TYR: variants seen among roughly 807,000 people sequenced by gnomAD.
TYR encodes LB24-AB.
TYR carries 58 observed loss-of-function variants against 51.5 expected under a neutral mutation model. The ratio of observed to expected loss-of-function variants is 1.13; its 90% CI spans 0.91 to 1.40. The LOEUF (loss-of-function observed/expected upper bound fraction) is 1.40. Ranked by LOEUF, TYR falls within the 40% of genes most tolerant of loss-of-function variation. The pLI is 0.00. For missense variants in TYR, 732 were observed against 647.4 expected, an observed-to-expected ratio of 1.13 and a Z score of -1.42; for synonymous variants, 263 against 235.2, an observed-to-expected ratio of 1.12 and a Z score of -1.08.
chr11:89,225,805 C>A (rs1371904299), intron 2 of TYR, among the ~76,000 whole-genome samples: 1 of 151,712 alleles, frequency 6.6e-6, no homozygotes, highest in Non-Finnish European at 1.5e-5. Context: ...TAGTTAACAA[C>A]AATTTATTCT....
chr11:89,217,577 G>A (rs1943848776), intron 2 of TYR, among the ~76,000 whole-genome samples: 1 of 152,138 alleles, frequency 6.6e-6, no homozygotes, highest in Non-Finnish European at 1.5e-5. Flanking sequence ...TAAATGTGAG[G>A]TTCATTGTGC....
intron 4 of TYR, among the ~76,000 whole-genome samples, chr11:89,289,528 A>G (rs1944832896): frequency 6.6e-6 from 1 of 151,904 alleles, no homozygotes; most frequent in Non-Finnish European, 1.5e-5. Flanking sequence ...CATCAGAACA[A>G]CATTACTCTC....
At chr11:89,271,420 TG>T (rs1944587461) in intron 3 of TYR, among the ~76,000 whole-genome samples, 1 of 151,966 alleles carries the variant, frequency 6.6e-6, no homozygotes, top group Non-Finnish European at 1.5e-5. Flanking sequence ...AGTATATTTA[TG>T]GTGCAGTAAC....
intron 3 of TYR, among the ~76,000 whole-genome samples, chr11:89,284,114 T>C (rs1218477404): frequency 6.6e-6 from 1 of 151,848 alleles, no homozygotes; most frequent in Admixed American, 6.6e-5. Context: ...TCTAGGATGG[T>C]TTCTGATTGT....
At chr11:89,249,113 C>G (rs1246182419) in intron 3 of TYR, among the ~76,000 whole-genome samples, 1 of 151,866 alleles carries the variant, frequency 6.6e-6, no homozygotes, top group Non-Finnish European at 1.5e-5. Context: ...CAAATAGATA[C>G]CCGAAAGAGG....
intron 3 of TYR, among the ~76,000 whole-genome samples, chr11:89,233,117 T>A (rs1944072044): frequency 6.9e-6 from 1 of 143,992 alleles, no homozygotes; most frequent in African/African-American, 2.7e-5. Flanking sequence ...TGCTGCTTTA[T>A]CAACTAGGTT....
intron 3 of TYR, among the ~76,000 whole-genome samples, chr11:89,265,386 C>A (rs2135310288): frequency 6.6e-6 from 1 of 152,182 alleles, no homozygotes; most frequent in Non-Finnish European, 1.5e-5. Context: ...AATTCCTCTG[C>A]CTTCGCCACT....
chr11:89,280,502 C>T (rs2135321314), intron 3 of TYR, among the ~76,000 whole-genome samples: 1 of 151,430 alleles, frequency 6.6e-6, no homozygotes, highest in Middle Eastern at 3.4e-3. Flanking sequence ...GGGTTTCCGT[C>T]TTTCTGCTTA....
At chr11:89,239,638 T>C (rs956533278) in intron 3 of TYR, among the ~76,000 whole-genome samples, 1 of 152,100 alleles carries the variant, frequency 6.6e-6, no homozygotes, top group Non-Finnish European at 1.5e-5. Context: ...CAGCATTGGA[T>C]TATGTATTTG....
intron 4 of TYR, among the ~76,000 whole-genome samples, chr11:89,289,952 A>G (rs184929700): frequency 6.6e-6 from 1 of 152,140 alleles, no homozygotes; most frequent in Admixed American, 6.6e-5. Context: ...TGTTTTCTAT[A>G]TGGTAGACAT....
Position 89,177,928 on chromosome 11 carries a change from C to T in TYR, c.-26C>T, listed in dbSNP as rs1183734457. The T allele has an allele frequency of 1.2e-6, 2 of 1,609,786 alleles. No individual in the cohort carries two copies. The highest frequency in any genetic ancestry group is 2.2e-5 in the East Asian group (1 of 44,876). On this transcript the variant is annotated 5_prime_UTR_variant, in exon 1 of 5. Coordinates refer to ENST00000263321, the MANE Select transcript of TYR (RefSeq NM_000372.5). ...TGTGACTCCAATTAGCCAGTTCCTGCAGACCTTGTGAGGACTAGAGGAAGA... is the reference window on the plus strand; with the variant it reads ...TGTGACTCCAATTAGCCAGTTCCTGTAGACCTTGTGAGGACTAGAGGAAGA...
intron 2 of TYR, among the ~76,000 whole-genome samples, chr11:89,221,075 T>C (rs1005037159): frequency 6.6e-6 from 1 of 152,246 alleles, no homozygotes; most frequent in Non-Finnish European, 1.5e-5. Context: ...ATGAAAAGAA[T>C]GAGAGCAGCT....
intron 4 of TYR, among the ~76,000 whole-genome samples, chr11:89,292,084 T>C (rs1944858360): frequency 6.6e-6 from 1 of 152,078 alleles, no homozygotes; most frequent in Admixed American, 6.6e-5. Flanking sequence ...ATACCAAATT[T>C]TAAAAGGAAC....
intron 3 of TYR, among the ~76,000 whole-genome samples, chr11:89,240,511 CATT>C: frequency 6.6e-6 from 1 of 152,038 alleles, no homozygotes; most frequent in Non-Finnish European, 1.5e-5. Context: ...TTGTCATAAA[CATT>C]ATAAATATTT....
chr11:89,271,388 AG>A (rs1775962527), intron 3 of TYR, among the ~76,000 whole-genome samples: 1 of 151,964 alleles, frequency 6.6e-6, no homozygotes, highest in Non-Finnish European at 1.5e-5. Context: ...GCATATAAAA[AG>A]TTATATTTAC....
intron 4 of TYR, 100 bp downstream of exon 4, chr11:89,285,054 C>A: frequency 1.0e-6 from 1 of 1,001,950 alleles, no homozygotes; most frequent in Non-Finnish European, 1.6e-6. Context: ...TATTCCTGAA[C>A]ACTTTAAATC....
intron 1 of TYR, among the ~76,000 whole-genome samples, chr11:89,180,269 G>A (rs986145109): frequency 3.3e-5 from 5 of 152,138 alleles, no homozygotes; most frequent in African/African-American, 1.2e-4. Context: ...AAACTGCCAG[G>A]ATTGGACATG....
intron 3 of TYR, among the ~76,000 whole-genome samples, chr11:89,280,787 A>G (rs1277540882): frequency 2.0e-5 from 3 of 151,630 alleles, no homozygotes; most frequent in Non-Finnish European, 3.0e-5. Flanking sequence ...ACTGAGGTAA[A>G]TGGGCTTTTA....
chr11:89,282,960 T>A (rs1274618269), intron 3 of TYR, among the ~76,000 whole-genome samples: 1 of 151,766 alleles, frequency 6.6e-6, no homozygotes, highest in Non-Finnish European at 1.5e-5. Context: ...TTTTGTGTTA[T>A]TTTAATTAAT....
Sources: gnomAD v4.1 joint callset for allele counts (sites outside exome capture counted in the v4.1 genomes callset) on GRCh38, gnomAD v4.1.1 for gene constraint, MANE v1.5 for transcripts, NCBI Gene and HGNC (gene_info 2026-07-23, HGNC 2026-07-21) for gene names.